The following AGBL4 variants were observed in gnomAD, a reference collection of about 807,000 sequenced individuals.
AGBL4 encodes AGBL carboxypeptidase 4.
Under a neutral mutation model 66.4 loss-of-function variants are expected in AGBL4, and 58 were observed. The observed-to-expected ratio is 0.87, with a 90% confidence interval of 0.71 to 1.09. The LOEUF is 1.09. Among genes scored for constraint, AGBL4 ranks in the 50% least tolerant of loss-of-function variants. The pLI is 0.00. For missense variants in AGBL4, 579 were observed against 631.0 expected, an observed-to-expected ratio of 0.92 and a Z score of 0.88; for synonymous variants, 234 against 222.9, an observed-to-expected ratio of 1.05 and a Z score of -0.44.
At chr1:49,321,782 T>A (rs913206070) in intron 3 of AGBL4, among the ~76,000 whole-genome samples, 3 of 152,216 alleles carry the variant, frequency 2.0e-5, no homozygotes, top group African/African-American at 7.2e-5. Flanking sequence ...AGTTCTCCTT[T>A]CCTTCTGAAC....
intron 1 of AGBL4, among the ~76,000 whole-genome samples, chr1:49,967,572 T>C (rs1456684601): frequency 1.3e-5 from 2 of 152,006 alleles, no homozygotes; most frequent in Non-Finnish European, 2.9e-5. Flanking sequence ...AGGTGACAGG[T>C]TGATGGGTGC....
intron 1 of AGBL4, among the ~76,000 whole-genome samples, chr1:49,870,444 C>T (rs1646810504): frequency 6.6e-6 from 1 of 150,814 alleles, no homozygotes; most frequent in African/African-American, 2.4e-5. Context: ...GAGTATAATT[C>T]GATTATTTGT....
Position 49,696,320 on chromosome 1 carries a change from G to GTC in AGBL4, c.282+991_282+992dup, listed in dbSNP as rs368664305. 2.9e-3 allele frequency among the ~76,000 whole-genome samples: 438 copies of GTC among 151,910 alleles called. 3 individuals are homozygous for GTC. The highest frequency in any genetic ancestry group is 1.0e-2 in the South Asian group (48 of 4,814). ...AGTTCCCTTTATTTTCATCAATACT[G>GTC]TCTCTCATGAAAAATAGGATTCGAA... On this transcript the variant is annotated intron_variant, in intron 3 of 13. Transcript: ENST00000371839.
chr1:49,505,353 C>T (rs1486838683), intron 3 of AGBL4, among the ~76,000 whole-genome samples: 1 of 151,458 alleles, frequency 6.6e-6, no homozygotes, highest in Non-Finnish European at 1.5e-5. Context: ...TTTTGTGTCA[C>T]TAATTAGTGT....
intron 1 of AGBL4, among the ~76,000 whole-genome samples, chr1:49,866,941 T>C (rs1163663013): frequency 6.6e-6 from 1 of 152,192 alleles, no homozygotes; most frequent in Non-Finnish European, 1.5e-5. Flanking sequence ...TCCTGAGGCC[T>C]TGTAAGCCTG....
rs891263367 is a variant in AGBL4 at position 48,707,296 on chromosome 1, A to AAAC, written c.635-44058_635-44056dup. Among the ~76,000 whole-genome samples the AAAC allele has an allele frequency of 2.2e-3, 338 of 152,110 alleles. 2 individuals are homozygous for AAAC. Among genetic ancestry groups the AAAC allele is most frequent in the Middle Eastern group, 0.014 (4 of 294 alleles). ...GTGACAGAGTGAGACCCTATATCCA[A>AAAC]AACAACAACAACAACAACAACAAAA... On this transcript the variant is annotated intron_variant, in intron 6 of 13. Transcript: ENST00000371839.
chr1:49,360,783 C>T (rs1180388025), intron 3 of AGBL4, among the ~76,000 whole-genome samples: 2 of 151,940 alleles, frequency 1.3e-5, no homozygotes, highest in Non-Finnish European at 1.5e-5. Flanking sequence ...TGGGAGAAAA[C>T]GAATCCGCAT....
In AGBL4 at chr1:49,111,002, C is replaced by G. The variant is rs78620882; in HGVS notation, c.378-65202G>C. On this transcript the variant is annotated intron_variant, in intron 4 of 13. Transcript: ENST00000371839. Reference sequence around the variant, plus strand: ...TTGGATAAATGTAAGCCTCCTCCCCCCAAAAAAGTCTTCAATGTCTTCTAA... The same window carrying G: ...TTGGATAAATGTAAGCCTCCTCCCCGCAAAAAAGTCTTCAATGTCTTCTAA... Among the ~76,000 whole-genome samples, 320 of 152,186 alleles carry G rather than the reference C, an allele frequency of 2.1e-3. 5 individuals carry two copies. Among genetic ancestry groups the G allele is most frequent in the African/African-American group, 7.1e-3 (296 of 41,522 alleles).
At chr1:48,544,303 G>T (rs948026475) in intron 11 of AGBL4, among the ~76,000 whole-genome samples, 1 of 152,212 alleles carries the variant, frequency 6.6e-6, no homozygotes, top group East Asian at 1.9e-4. Context: ...TGGTGGTTGT[G>T]TGCGCCAGCA....
intron 3 of AGBL4, among the ~76,000 whole-genome samples, chr1:49,507,132 A>T (rs1198117443): frequency 1.3e-5 from 2 of 152,016 alleles, no homozygotes; most frequent in Non-Finnish European, 2.9e-5. Flanking sequence ...CCTGCTAGAG[A>T]GATCATATAG....
intron 5 of AGBL4, among the ~76,000 whole-genome samples, chr1:49,011,818 G>T (rs1662443001): frequency 6.8e-6 from 1 of 147,130 alleles, no homozygotes; most frequent in Non-Finnish European, 1.5e-5. Context: ...ACTCATAGGT[G>T]GGAATTGAAC....
downstream of AGBL4, among the ~76,000 whole-genome samples, chr1:48,531,002 C>T (rs1404910062): frequency 6.6e-6 from 1 of 152,152 alleles, no homozygotes; most frequent in African/African-American, 2.4e-5. Context: ...TGCTGAAAAC[C>T]TTTCCCCTCT....
chr1:49,396,467 TA>T (rs757904420), intron 3 of AGBL4, among the ~76,000 whole-genome samples: 3 of 152,146 alleles, frequency 2.0e-5, no homozygotes, highest in Non-Finnish European at 4.4e-5. Flanking sequence ...TCACCATATA[TA>T]ATCGAGCTAA....
rs142712017 is a variant in AGBL4 at position 49,269,929 on chromosome 1, C to T, written c.283-24065G>A. ...TGGCACTGTGAGCAGAATACCAAAACGCCACTCTTCTTGAACCTGCAGTTA... is the reference window on the plus strand; with the variant it reads ...TGGCACTGTGAGCAGAATACCAAAATGCCACTCTTCTTGAACCTGCAGTTA... On this transcript the variant is annotated intron_variant, in intron 3 of 13. Coordinates refer to ENST00000371839, the MANE Select transcript of AGBL4 (RefSeq NM_032785.4). Among the ~76,000 whole-genome samples, 8 of 152,264 alleles carry T rather than the reference C, an allele frequency of 5.3e-5. No homozygotes were observed. In the South Asian group the frequency reaches 1.0e-3, roughly 20 times the overall value.
intron 3 of AGBL4, among the ~76,000 whole-genome samples, chr1:49,560,443 A>T (rs1327764038): frequency 6.6e-6 from 1 of 152,144 alleles, no homozygotes; most frequent in Non-Finnish European, 1.5e-5. Flanking sequence ...AAAAAAGACA[A>T]AAAACAATGA....
intron 3 of AGBL4, among the ~76,000 whole-genome samples, chr1:49,421,366 C>A (rs1207117812): frequency 1.3e-5 from 2 of 149,890 alleles, no homozygotes; most frequent in African/African-American, 2.5e-5. Flanking sequence ...ACAGTTGTAA[C>A]AAATGCTACG....
chr1:48,541,311 C>T (rs1644064356), intron 11 of AGBL4, among the ~76,000 whole-genome samples: 1 of 152,222 alleles, frequency 6.6e-6, no homozygotes, highest in Non-Finnish European at 1.5e-5. Context: ...TCCTGGCCTT[C>T]ACCAACCAGA....
chr1:48,580,543 T>C (rs1368206556), intron 11 of AGBL4, among the ~76,000 whole-genome samples: 1 of 152,184 alleles, frequency 6.6e-6, no homozygotes, highest in Admixed American at 6.5e-5. Flanking sequence ...TGTTTTTGAT[T>C]GGATCAGACA....
At chr1:48,857,792 A>G (rs1647214745) in intron 6 of AGBL4, among the ~76,000 whole-genome samples, 1 of 152,242 alleles carries the variant, frequency 6.6e-6, no homozygotes, top group Admixed American at 6.5e-5. Flanking sequence ...TAGATATGAT[A>G]TAAAAATCAT....
Sources: allele counts gnomAD v4.1 joint callset (sites outside exome capture counted in the v4.1 genomes callset), GRCh38; gene constraint gnomAD v4.1.1; transcripts MANE v1.5; gene names NCBI Gene and HGNC (gene_info 2026-07-23, HGNC 2026-07-21).